DYNC2I1: variants seen among roughly 807,000 people sequenced by gnomAD.
DYNC2I1 encodes the protein cytoplasmic dynein 2 intermediate chain 1.
A neutral mutation model predicts 133.4 loss-of-function variants in DYNC2I1; 89 were observed. That is an observed-to-expected ratio of 0.67 (90% confidence interval 0.56 to 0.80). The LOEUF is 0.80. Among genes scored for constraint, DYNC2I1 ranks in the 30% least tolerant of loss-of-function variants. The pLI is 0.00. For missense variants in DYNC2I1, 1,291 were observed against 1,314.5 expected, an observed-to-expected ratio of 0.98 and a Z score of 0.28; for synonymous variants, 504 against 484.3, an observed-to-expected ratio of 1.04 and a Z score of -0.54.
chr7:158,885,613 A>AT (rs137960328), intron 6 of DYNC2I1, among the ~76,000 whole-genome samples: 16,894 of 152,224 alleles, frequency 0.11, 1,604 homozygotes, highest in East Asian at 0.49. Context: ...AAGTGCTGGG[A>AT]TTACAGGCGT....
At chr7:158,950,461 A>G (rs943370670), downstream of DYNC2I1, among the ~76,000 whole-genome samples, 26 of 137,730 alleles carry the variant, frequency 1.9e-4, 1 homozygote, top group African/African-American at 7.2e-4. Context: ...ACCAGCCTCT[A>G]TACGATTCCA....
chr7:158,945,190 G>A lies in DYNC2I1; in HGVS notation c.3003-391G>A, dbSNP rs1026508253. Among the ~76,000 whole-genome samples the A allele has an allele frequency of 2.0e-5, 3 of 152,196 alleles. No homozygotes were observed. The highest frequency in any genetic ancestry group is 2.1e-4 in the South Asian group (1 of 4,816). ...TCCAGGGTGAGTCCGGGCTGGAGAC[G>A]CAGACTTGTGAGTCCTGACACTCAG... On this transcript the variant is annotated intron_variant, in intron 24 of 24. Coordinates refer to ENST00000407559, the MANE Select transcript of DYNC2I1 (RefSeq NM_018051.5). This position sits in a 1 kb window ranked among gnomAD's most constrained non-coding sequence, Gnocchi z 4.1.
At chr7:158,952,100 G>A (rs576576099) in intron 4 of DYNC2I1, among the ~76,000 whole-genome samples, 22 of 152,314 alleles carry the variant, frequency 1.4e-4, no homozygotes, top group African/African-American at 5.3e-4. Context: ...AATCCACGTG[G>A]GAAGAGGAGC....
At chr7:158,912,916 T>C (rs1376748444) in intron 12 of DYNC2I1, 69 bp from the exon 13 acceptor site, 2 of 1,102,278 alleles carry the variant, frequency 1.8e-6, no homozygotes, top group African/African-American at 3.1e-5. Flanking sequence ...CTCTCATTAT[T>C]ATTTCAGTAA....
chr7:158,841,553 G>A, the DYNC2I1 span, among the ~76,000 whole-genome samples: 14 of 152,010 alleles, frequency 9.2e-5, no homozygotes, highest in African/African-American at 2.7e-4. Flanking sequence ...CTAGCATTCT[G>A]TCACTTCCTA....
chr7:158,897,434 C>T (rs1845859191), intron 8 of DYNC2I1, among the ~76,000 whole-genome samples: 6 of 152,024 alleles, frequency 3.9e-5, no homozygotes, highest in Admixed American at 3.9e-4. Flanking sequence ...AGGTATAGGC[C>T]TATTCAAATT....
intron 1 of DYNC2I1, among the ~76,000 whole-genome samples, chr7:158,866,785 T>C (rs530248906): frequency 2.6e-4 from 39 of 152,022 alleles, no homozygotes; most frequent in African/African-American, 9.2e-4. Flanking sequence ...CTCAGGAGGC[T>C]GAGCCACGAG....
At chr7:158,893,645 TCG>T (rs1845451100) in intron 8 of DYNC2I1, among the ~76,000 whole-genome samples, 1 of 152,128 alleles carries the variant, frequency 6.6e-6, no homozygotes, top group African/African-American at 2.4e-5. Flanking sequence ...GTACCACATA[TCG>T]TACTGCATGT....
chr7:158,844,076 A>G, the DYNC2I1 span, among the ~76,000 whole-genome samples: 1 of 152,216 alleles, frequency 6.6e-6, no homozygotes, highest in East Asian at 1.9e-4. Context: ...GAAATAAAGT[A>G]AGCATGTGAA....
chr7:158,947,091 G>C (rs570133204), downstream of DYNC2I1, among the ~76,000 whole-genome samples: 1 of 152,368 alleles, frequency 6.6e-6, no homozygotes, highest in Non-Finnish European at 1.5e-5. Flanking sequence ...AGCGCCTGCT[G>C]TGTCAGTAGA....
At chr7:158,930,637 GT>G in intron 21 of DYNC2I1, 122 bp downstream of exon 21, 1 of 763,272 alleles carries the variant, frequency 1.3e-6, no homozygotes. Flanking sequence ...TTCTCACATT[GT>G]TTTTTTACTG....
intron 8 of DYNC2I1, among the ~76,000 whole-genome samples, chr7:158,898,618 A>T (rs961482881): frequency 1.3e-5 from 2 of 152,226 alleles, no homozygotes; most frequent in African/African-American, 4.8e-5. Context: ...GAAGACAATA[A>T]GTAGATGGAT....
chr7:158,945,577 G>A lies in DYNC2I1; in HGVS notation c.3003-4G>A. On this transcript the variant is annotated splice_polypyrimidine_tract_variant and splice_region_variant and intron_variant, in intron 24 of 24. Coordinates refer to ENST00000407559, the MANE Select transcript of DYNC2I1 (RefSeq NM_018051.5). This position sits in a 1 kb window ranked among gnomAD's most constrained non-coding sequence, Gnocchi z 4.1. ...ACCCTCTGCTTCTGCCCCTCTCCCT[G>A]CAGGCTGGTGGCCATGGCTGCGGTG... 1 of 1,600,196 alleles carries A rather than the reference G, an allele frequency of 6.2e-7. No individual in the cohort carries two copies.
intron 4 of DYNC2I1, among the ~76,000 whole-genome samples, chr7:158,878,175 GAGGAGGGGAAGCC>G (rs1843558754): frequency 1.5e-5 from 2 of 133,930 alleles, no homozygotes; most frequent in African/African-American, 2.9e-5. Flanking sequence ...GTGGGGAGGC[GAGGAGGGGAAGCC>G]AGGAGGGCCG....
the DYNC2I1 span, among the ~76,000 whole-genome samples, chr7:158,846,268 TAAATA>T: frequency 6.6e-6 from 1 of 151,522 alleles, no homozygotes; most frequent in South Asian, 2.1e-4. Context: ...CAAAAACAAA[TAAATA>T]AATAAAATAA....
chr7:158,855,315 A>G (rs1373059870), upstream of DYNC2I1, among the ~76,000 whole-genome samples: 4 of 152,062 alleles, frequency 2.6e-5, no homozygotes, highest in Non-Finnish European at 5.9e-5. Context: ...TGCCCTTATC[A>G]GTTCCTGGGT....
At chr7:158,885,046 G>T (rs1436954682) in intron 6 of DYNC2I1, among the ~76,000 whole-genome samples, 1 of 152,124 alleles carries the variant, frequency 6.6e-6, no homozygotes, top group Non-Finnish European at 1.5e-5. Flanking sequence ...AAATCCGCAG[G>T]TGGGCAGTTT....
intron 4 of DYNC2I1, among the ~76,000 whole-genome samples, chr7:158,953,780 T>C (rs1852122290): frequency 6.6e-6 from 1 of 152,116 alleles, no homozygotes; most frequent in African/African-American, 2.4e-5. Context: ...TGATGCATCA[T>C]AGGTTATATA....
chr7:158,926,276 C>T lies in DYNC2I1; in HGVS notation c.2347C>T (p.Leu783Phe), dbSNP rs766188204. 1.5e-5 allele frequency: 24 copies of T among 1,612,570 alleles called. No individual in the cohort carries two copies. Among genetic ancestry groups the T allele is most frequent in the Non-Finnish European group, 2.0e-5 (23 of 1,179,360 alleles). The change falls in exon 18 of 25, where the codon CTT (leucine) becomes TTT (phenylalanine). Residue 783 changes from leucine (L) to phenylalanine (F), a missense_variant. Transcript: ENST00000407559. ...CGTCCACAAAAAGCAGAGCTTTGTGCTTTCACCCTTTTCTACTCAAGAAGG... is the reference window on the plus strand; with the variant it reads ...CGTCCACAAAAAGCAGAGCTTTGTGTTTTCACCCTTTTCTACTCAAGAAGG... ...TSVHKKQSFV[L>F]SPFSTQEEMS...
Sources: allele counts gnomAD v4.1 joint callset (sites outside exome capture counted in the v4.1 genomes callset), GRCh38; gene constraint gnomAD v4.1.1; non-coding constraint Gnocchi (gnomAD v3.1); transcripts MANE v1.5; gene names NCBI Gene and HGNC (gene_info 2026-07-23, HGNC 2026-07-21).